SRGAP3: variants seen among roughly 807,000 people sequenced by gnomAD.
SRGAP3 encodes SLIT-ROBO Rho GTPase activating protein 3.
A neutral mutation model predicts 121.1 loss-of-function variants in SRGAP3; 39 were observed. That is an observed-to-expected ratio of 0.32 (90% CI 0.25 to 0.42). SRGAP3 has a LOEUF of 0.42. Ranked by LOEUF, SRGAP3 falls within the 10% of genes least tolerant of loss-of-function variation. The probability of loss-of-function intolerance (pLI) is 1.00; values close to 1 mark genes in which losing one functional copy is unlikely to be tolerated. For missense variants in SRGAP3, 1,213 were observed against 1,470.6 expected (o/e 0.82, Z 2.86); for synonymous variants, 601 against 570.0 (o/e 1.05, Z -0.77).
At chr3:9,061,785 G>A (rs1360577912) in intron 5 of SRGAP3, among the ~76,000 whole-genome samples, 5 of 152,094 alleles carry the variant, frequency 3.3e-5, no homozygotes, top group South Asian at 2.1e-4. Context: ...AGCCAGAGCC[G>A]CCCATCTCAG....
At chr3:9,175,353 G>A in intron 1 of SRGAP3, among the ~76,000 whole-genome samples, 1 of 152,204 alleles carries the variant, frequency 6.6e-6, no homozygotes, top group East Asian at 1.9e-4. Context: ...TACGAAAAGA[G>A]AGCATTTTGT....
chr3:9,214,390 C>T (rs933512452), intron 1 of SRGAP3, among the ~76,000 whole-genome samples: 3 of 152,130 alleles, frequency 2.0e-5, no homozygotes, highest in East Asian at 1.9e-4. Flanking sequence ...AGGAGCTTGC[C>T]GAAGGTCACA....
intron 1 of SRGAP3, among the ~76,000 whole-genome samples, chr3:9,246,128 C>A (rs1163073286): frequency 1.3e-5 from 2 of 152,144 alleles, no homozygotes; most frequent in African/African-American, 2.4e-5. Flanking sequence ...AAATACTGTT[C>A]TAAAACATTC....
intron 1 of SRGAP3, among the ~76,000 whole-genome samples, chr3:9,359,428 A>G (rs1019919889): frequency 1.3e-5 from 2 of 152,224 alleles, no homozygotes; most frequent in Admixed American, 1.3e-4. Flanking sequence ...CTGACCTTTC[A>G]TGAAGACTTC....
chr3:9,224,768 A>C (rs1230688963), intron 1 of SRGAP3, among the ~76,000 whole-genome samples: 1 of 152,190 alleles, frequency 6.6e-6, no homozygotes, highest in Non-Finnish European at 1.5e-5. Flanking sequence ...AACTCAGAAC[A>C]GCAGGGCATC....
intron 1 of SRGAP3, among the ~76,000 whole-genome samples, chr3:9,224,392 G>C (rs62244901): frequency 6.6e-6 from 1 of 152,156 alleles, no homozygotes; most frequent in Non-Finnish European, 1.5e-5. Flanking sequence ...GGAACACCAC[G>C]CACCCCTCCT....
chr3:9,313,286 C>G (rs1034856869), intron 3 of SRGAP3, among the ~76,000 whole-genome samples: 1 of 152,228 alleles, frequency 6.6e-6, no homozygotes, highest in Admixed American at 6.5e-5. Flanking sequence ...TCAACTGCCA[C>G]TTTCTCAATG....
At chr3:9,066,038 A>G (rs1312747989) in intron 4 of SRGAP3, among the ~76,000 whole-genome samples, 1 of 152,096 alleles carries the variant, frequency 6.6e-6, no homozygotes, top group Non-Finnish European at 1.5e-5. Context: ...GGCTCAAGTG[A>G]TCCTCCTGCC....
rs527533812 is a variant in SRGAP3, at chr3:9,265,972, CA to C, written n.442+60037del. Among the ~76,000 whole-genome samples the C allele has an allele frequency of 7.2e-3, 1,098 of 152,268 alleles. 10 individuals are homozygous for C. Among genetic ancestry groups the C allele is most frequent in the Non-Finnish European group, 0.012 (790 of 68,018 alleles). ...CGATAGCAAAGACTTGGAACCAACC[CA>C]AATGCTCATCAATGATAGACTGGAT... On this transcript the variant is annotated intron_variant and non_coding_transcript_variant, in intron 3 of 3. Coordinates refer to the SRGAP3 transcript ENST00000490889.
chr3:9,165,195 TTCTCC>T (rs1279641558), intron 1 of SRGAP3, among the ~76,000 whole-genome samples: 1 of 152,246 alleles, frequency 6.6e-6, no homozygotes, highest in African/African-American at 2.4e-5. Context: ...TCCTGCCATC[TTCTCC>T]TACCAGGAAG....
chr3:9,147,690 A>C (rs935472803), intron 1 of SRGAP3, among the ~76,000 whole-genome samples: 2 of 152,204 alleles, frequency 1.3e-5, no homozygotes, highest in African/African-American at 4.8e-5. Context: ...TCGCAGCAAG[A>C]AGCATCCAAG....
chr3:9,259,382 G>A (rs562297514), intron 3 of SRGAP3, among the ~76,000 whole-genome samples: 5 of 152,206 alleles, frequency 3.3e-5, no homozygotes, highest in East Asian at 3.9e-4. Flanking sequence ...GGGCTCAAGC[G>A]ATCCTCCCCT....
At chr3:9,347,269 G>A (rs916481428) in intron 1 of SRGAP3, among the ~76,000 whole-genome samples, 5 of 152,158 alleles carry the variant, frequency 3.3e-5, no homozygotes, top group Admixed American at 2.0e-4. Context: ...GGATTTAGGC[G>A]AGAGATTCAG....
Position 9,104,676 on chromosome 3 carries a change from C to T in SRGAP3, c.423+4G>A, listed in dbSNP as rs1255324877. Reference sequence around the variant, plus strand: ...GGGACACGTAGAGCAGCCCACTTGCCTACCTTTTTGAAGAGTCTGATGACA... The same window carrying T: ...GGGACACGTAGAGCAGCCCACTTGCTTACCTTTTTGAAGAGTCTGATGACA... On this transcript the variant is annotated splice_donor_region_variant and intron_variant, in intron 3 of 21. Transcript: ENST00000383836. 2 of 1,613,986 alleles carry T rather than the reference C, an allele frequency of 1.2e-6. No homozygotes were observed. Among genetic ancestry groups the T allele is most frequent in the Non-Finnish European group, 1.7e-6 (2 of 1,179,996 alleles).
At chr3:9,105,859 C>T (rs1006952430) in intron 2 of SRGAP3, among the ~76,000 whole-genome samples, 10 of 152,294 alleles carry the variant, frequency 6.6e-5, no homozygotes, top group African/African-American at 2.4e-4. Flanking sequence ...GCCCAAACTA[C>T]GGAACATCAT....
At chr3:9,352,068 T>G (rs999612181) in intron 1 of SRGAP3, among the ~76,000 whole-genome samples, 23 of 152,082 alleles carry the variant, frequency 1.5e-4, no homozygotes, top group Non-Finnish European at 3.2e-4. Context: ...ATTTGGGGCT[T>G]TAAGGCCATC....
chr3:9,253,435 T>C (rs936936111), upstream of SRGAP3, among the ~76,000 whole-genome samples: 6 of 152,242 alleles, frequency 3.9e-5, 2 homozygotes, highest in Middle Eastern at 3.4e-3. Flanking sequence ...TAAATTACAA[T>C]AACAGCTAAA....
intron 3 of SRGAP3, among the ~76,000 whole-genome samples, chr3:9,276,454 CT>C (rs1249035345): frequency 6.9e-6 from 1 of 145,592 alleles, no homozygotes; most frequent in Non-Finnish European, 1.5e-5. Context: ...GAGATGGAGT[CT>C]CCCACTGTCG....
At chr3:9,087,019 C>T (rs1473020805) in intron 3 of SRGAP3, among the ~76,000 whole-genome samples, 2 of 150,374 alleles carry the variant, frequency 1.3e-5, no homozygotes, top group East Asian at 4.0e-4. Context: ...AGTAAATATA[C>T]ATATACGTAT....
Sources: allele counts gnomAD v4.1 joint callset (sites outside exome capture counted in the v4.1 genomes callset), GRCh38; gene constraint gnomAD v4.1.1; transcripts MANE v1.5; gene names NCBI Gene and HGNC (gene_info 2026-07-23, HGNC 2026-07-21).